The following PDE3A variants were observed in gnomAD, a reference collection of about 807,000 sequenced individuals.
The protein encoded by PDE3A is phosphodiesterase 3A, also known as cGMP-inhibited 3',5'-cyclic phosphodiesterase 3A.
PDE3A carries 43 observed loss-of-function variants against 98.3 expected under a neutral mutation model. That is an observed-to-expected ratio of 0.44 (90% CI 0.34 to 0.56). The LOEUF (loss-of-function observed/expected upper bound fraction) is 0.56, where lower values mean the gene tolerates loss of function less well. Ranked by LOEUF, PDE3A falls within the 20% of genes least tolerant of loss-of-function variation. PDE3A has a pLI of 0.01. For missense variants in PDE3A, 1,427 were observed against 1,440.7 expected, an observed-to-expected ratio of 0.99 and a Z score of 0.15; for synonymous variants, 663 against 567.9, an observed-to-expected ratio of 1.17 and a Z score of -2.38.
chr12:20,448,767 T>TTTTTTTTTTG (rs1945007243), intron 1 of PDE3A, among the ~76,000 whole-genome samples: 1 of 150,550 alleles, frequency 6.6e-6, no homozygotes. Flanking sequence ...TTTTTTTTTT[T>TTTTTTTTTTG]GAGATGGAGT....
chr12:20,499,708 T>C (rs1160949663), intron 1 of PDE3A, among the ~76,000 whole-genome samples: 1 of 152,200 alleles, frequency 6.6e-6, no homozygotes, highest in Non-Finnish European at 1.5e-5. Context: ...AAGTACAATT[T>C]GTATGCACTA....
At chr12:20,420,979 C>A (rs553102132) in intron 1 of PDE3A, among the ~76,000 whole-genome samples, 16 of 152,174 alleles carry the variant, frequency 1.1e-4, no homozygotes, top group African/African-American at 3.9e-4. Context: ...TTTGGCAGAA[C>A]AGGACCAAAA....
At chr12:20,581,055 C>T (rs956939346) in intron 2 of PDE3A, among the ~76,000 whole-genome samples, 2 of 152,092 alleles carry the variant, frequency 1.3e-5, no homozygotes, top group African/African-American at 4.8e-5. Flanking sequence ...TTCAAACAAC[C>T]TTTCTTACAA....
Position 20,687,914 on chromosome 12 carries a change from G to A in PDE3A, c.*7643G>A, listed in dbSNP as rs76490773. The stretch of plus-strand genomic sequence containing the variant: ...GACCAGTCATTACCTCTTCCCAACA[G>A]AAAAAAAAAAAAAAAAAAAAAAACT... On this transcript the variant is annotated 3_prime_UTR_variant, in exon 16 of 16. Coordinates refer to ENST00000359062, the MANE Select transcript of PDE3A (RefSeq NM_000921.5). Among the ~76,000 whole-genome samples, 759 of 94,164 alleles carry A rather than the reference G, an allele frequency of 8.1e-3. 1 individual carries two copies. The highest frequency in any genetic ancestry group is 8.6e-3 in the Non-Finnish European group (440 of 51,272). The allele number at this position is 94,164 out of a possible 152,430, so 61.8% of individuals were successfully genotyped here. A position where few individuals can be genotyped will look rare whatever the true frequency, so the allele number is the denominator to read the frequency against.
intron 15 of PDE3A, among the ~76,000 whole-genome samples, chr12:20,663,678 G>T (rs1489074225): frequency 2.6e-5 from 4 of 152,192 alleles, no homozygotes; most frequent in Admixed American, 6.5e-5. Context: ...CCCAGTGCCT[G>T]TACCATCATT....
intron 15 of PDE3A, among the ~76,000 whole-genome samples, chr12:20,679,542 C>A (rs1386406531): frequency 6.6e-6 from 1 of 152,084 alleles, no homozygotes; most frequent in Admixed American, 6.6e-5. Context: ...GCCACTGCAC[C>A]CAGCCTGAAA....
chr12:20,594,970 G>GTATAT lies in PDE3A; in HGVS notation c.1012-18467_1012-18463dup, dbSNP rs1386807655. Among the ~76,000 whole-genome samples the GTATAT allele has an allele frequency of 2.6e-5, 4 of 151,592 alleles. No homozygotes were observed. In the East Asian group the frequency reaches 7.7e-4, roughly 29 times the overall value. ...TACCACCTATTTATCTATACAGTTGGTATATTATATATATACAGTTGGTAA... is the reference window on the plus strand; with the variant it reads ...TACCACCTATTTATCTATACAGTTGGTATATTATATTATATATATACAGTTGGTAA... On this transcript the variant is annotated intron_variant, in intron 2 of 15. Coordinates refer to ENST00000359062, the MANE Select transcript of PDE3A (RefSeq NM_000921.5).
At chr12:20,442,127 T>C (rs1944880142) in intron 1 of PDE3A, among the ~76,000 whole-genome samples, 1 of 152,166 alleles carries the variant, frequency 6.6e-6, no homozygotes, top group Admixed American at 6.5e-5. Context: ...AAAATCTGTT[T>C]CCAGATTTGT....
intron 14 of PDE3A, among the ~76,000 whole-genome samples, chr12:20,651,699 T>C (rs1444358228): frequency 1.3e-5 from 2 of 152,296 alleles, no homozygotes; most frequent in Non-Finnish European, 2.9e-5. Context: ...TCATTGGACA[T>C]GTTTAAACAA....
At chr12:20,477,805 G>A (rs1292852171) in intron 1 of PDE3A, among the ~76,000 whole-genome samples, 1 of 152,084 alleles carries the variant, frequency 6.6e-6, no homozygotes, top group Non-Finnish European at 1.5e-5. Flanking sequence ...TTTTGAAAAC[G>A]CCATAGCAAC....
chr12:20,562,099 TG>T (rs1254857887), intron 2 of PDE3A, among the ~76,000 whole-genome samples: 3 of 152,166 alleles, frequency 2.0e-5, no homozygotes, highest in Non-Finnish European at 2.9e-5. Flanking sequence ...TAATACCAAA[TG>T]AAGTCAGGGG....
intron 1 of PDE3A, among the ~76,000 whole-genome samples, chr12:20,500,641 AAGT>A (rs1946006096): frequency 1.3e-5 from 2 of 152,048 alleles, no homozygotes; most frequent in African/African-American, 2.4e-5. Context: ...GAAATCTGTA[AAGT>A]AGTAGTTTAA....
At chr12:20,670,281 C>A (rs1171413994) in intron 15 of PDE3A, among the ~76,000 whole-genome samples, 13 of 147,450 alleles carry the variant, frequency 8.8e-5, no homozygotes, top group Non-Finnish European at 6.0e-5. Context: ...CAACATTAGA[C>A]AGATCAACGA....
intron 2 of PDE3A, among the ~76,000 whole-genome samples, chr12:20,587,959 A>AC (rs1943232235): frequency 6.6e-6 from 1 of 152,234 alleles, no homozygotes; most frequent in African/African-American, 2.4e-5. Context: ...GGGGCCAAAT[A>AC]CCACTGCAGC....
chr12:20,687,231 C>T lies in PDE3A; in HGVS notation c.*6960C>T, dbSNP rs562309040. On this transcript the variant is annotated 3_prime_UTR_variant, in exon 16 of 16. Coordinates refer to ENST00000359062, the MANE Select transcript of PDE3A (RefSeq NM_000921.5). ...TGTTGGTTCATAGCAGTTTCCTTGT[C>T]CCTTTTCTTTTTAAAATTCCCAACT... 6.6e-6 allele frequency among the ~76,000 whole-genome samples: 1 copy of T among 152,056 alleles called. No homozygotes were observed. Among genetic ancestry groups the T allele is most frequent in the African/African-American group, 2.4e-5 (1 of 41,516 alleles).
rs944605684 is a variant in PDE3A, at chr12:20,661,703, A to C, written c.3184+7498A>C. Reference sequence around the variant, plus strand: ...TGTGGTGTTGAGCCTGTGAGTAAACAGAAGTAAAGAACTGAGGTTTGGGAA... The same window carrying C: ...TGTGGTGTTGAGCCTGTGAGTAAACCGAAGTAAAGAACTGAGGTTTGGGAA... On this transcript the variant is annotated intron_variant, in intron 15 of 15. Coordinates refer to ENST00000359062, the MANE Select transcript of PDE3A (RefSeq NM_000921.5). Among the ~76,000 whole-genome samples, 3 of 152,202 alleles carry C rather than the reference A, an allele frequency of 2.0e-5. No individual in the cohort carries two copies. In the South Asian group the frequency reaches 6.2e-4, roughly 31 times the overall value.
intron 5 of PDE3A, among the ~76,000 whole-genome samples, chr12:20,622,029 T>G (rs773804682): frequency 2.0e-5 from 3 of 152,118 alleles, no homozygotes; most frequent in Non-Finnish European, 4.4e-5. Flanking sequence ...GGAATCTAAC[T>G]TCATGGTTTC....
chr12:20,565,112 CT>C (rs1243207175), intron 2 of PDE3A, among the ~76,000 whole-genome samples: 1 of 152,044 alleles, frequency 6.6e-6, no homozygotes, highest in African/African-American at 2.4e-5. Context: ...TTCTTATATT[CT>C]TTCCCCCAGA....
At chr12:20,661,858 C>T (rs1033879992) in intron 15 of PDE3A, among the ~76,000 whole-genome samples, 1 of 152,112 alleles carries the variant, frequency 6.6e-6, no homozygotes, top group African/African-American at 2.4e-5. Context: ...GTCAGAGCTA[C>T]CACACAGAGT....
Sources: allele counts gnomAD v4.1 joint callset (sites outside exome capture counted in the v4.1 genomes callset), GRCh38; gene constraint gnomAD v4.1.1; transcripts MANE v1.5; gene names NCBI Gene and HGNC (gene_info 2026-07-23, HGNC 2026-07-21).